Variants in YES1 observed in about 807,000 individuals in gnomAD.
YES1 encodes YES proto-oncogene 1, Src family tyrosine kinase, also known as tyrosine-protein kinase Yes.
In YES1, 39 loss-of-function variants were observed where a neutral mutation model predicts 70.4. The observed-to-expected ratio is 0.55, with a 90% confidence interval of 0.43 to 0.72. The LOEUF is 0.72. Ranked by LOEUF, YES1 falls within the 30% of genes least tolerant of loss-of-function variation. The probability of loss-of-function intolerance (pLI) is 0.00; values close to 1 mark genes in which losing one functional copy is unlikely to be tolerated. For missense variants in YES1, 495 were observed against 644.8 expected (o/e 0.77, Z 2.52); for synonymous variants, 198 against 218.6 (o/e 0.91, Z 0.83).
chr18:742,166 A>G (rs535972644), intron 8 of YES1, among the ~76,000 whole-genome samples: 2 of 152,334 alleles, frequency 1.3e-5, no homozygotes, highest in East Asian at 3.9e-4. Flanking sequence ...CAGGCCTGTC[A>G]GCTTATCTGC....
chr18:810,581 C>G (rs919322710), intron 1 of YES1, among the ~76,000 whole-genome samples: 7 of 152,164 alleles, frequency 4.6e-5, no homozygotes, highest in African/African-American at 1.7e-4. Flanking sequence ...GCCCTTTTAT[C>G]TTTTATCCTG....
intron 1 of YES1, among the ~76,000 whole-genome samples, chr18:765,465 C>T (rs1271645742): frequency 7.1e-6 from 1 of 140,950 alleles, no homozygotes; most frequent in Non-Finnish European, 1.5e-5. Flanking sequence ...GTGGCGTGAT[C>T]TTGGCTCAGT....
chr18:799,773 C>T (rs1367901509), intron 1 of YES1, among the ~76,000 whole-genome samples: 4 of 152,000 alleles, frequency 2.6e-5, no homozygotes, highest in Non-Finnish European at 4.4e-5. Context: ...TGGTGGCATA[C>T]ACCTGTAATC....
chr18:728,621 G>A (rs1311190728), intron 11 of YES1, among the ~76,000 whole-genome samples: 2 of 152,146 alleles, frequency 1.3e-5, no homozygotes, highest in Non-Finnish European at 2.9e-5. Context: ...CTGCCTCCCA[G>A]GTTCAAGTGA....
chr18:801,672 G>C (rs1906828420), intron 1 of YES1, among the ~76,000 whole-genome samples: 1 of 152,146 alleles, frequency 6.6e-6, no homozygotes, highest in African/African-American at 2.4e-5. Context: ...AGACAGATTT[G>C]AGTACAAACT....
At chr18:760,070 T>C (rs867124141) in intron 1 of YES1, among the ~76,000 whole-genome samples, 4 of 152,136 alleles carry the variant, frequency 2.6e-5, no homozygotes, top group African/African-American at 7.2e-5. Context: ...TAGTATTCCA[T>C]GGTGTATATG....
chr18:764,795 C>T (rs568055002), intron 1 of YES1, among the ~76,000 whole-genome samples: 20 of 151,770 alleles, frequency 1.3e-4, no homozygotes, highest in Admixed American at 3.3e-4. Flanking sequence ...TGCAGTGGCG[C>T]GATCTCGACT....
rs75679646 is a variant in YES1 at position 791,603 on chromosome 18, T to C, written c.-9+20511A>G. Reference sequence around the variant, plus strand: ...GTGAACCACAAATACAAACCACATATGCAATTTTAAATTTTCCAGTAGCCA... The same window carrying C: ...GTGAACCACAAATACAAACCACATACGCAATTTTAAATTTTCCAGTAGCCA... On this transcript the variant is annotated intron_variant, in intron 1 of 11. Transcript: ENST00000314574. Among the ~76,000 whole-genome samples, 922 of 152,322 alleles carry C rather than the reference T, an allele frequency of 6.1e-3. 7 individuals are homozygous for C. The highest frequency in any genetic ancestry group is 0.01 in the Non-Finnish European group (701 of 68,032).
chr18:752,001 T>A (rs1056065798), intron 2 of YES1, among the ~76,000 whole-genome samples, 197 bp from the exon 3 acceptor site: 1 of 152,118 alleles, frequency 6.6e-6, no homozygotes, highest in East Asian at 1.9e-4. Context: ...TCTGGGACAA[T>A]AACTCAATAA....
intron 1 of YES1, among the ~76,000 whole-genome samples, chr18:797,050 A>G (rs1165202909): frequency 1.3e-5 from 2 of 152,178 alleles, no homozygotes; most frequent in East Asian, 3.8e-4. Context: ...CTTGAAACAC[A>G]AAATCCAAAA....
rs1051633658 is a variant in YES1 at position 776,177 on chromosome 18, T to C, written c.-8-19342A>G. Among the ~76,000 whole-genome samples, 3 of 151,480 alleles carry C rather than the reference T, an allele frequency of 2.0e-5. No homozygotes were observed. The South Asian group carries it at 6.2e-4, about 32-fold the overall frequency. On this transcript the variant is annotated intron_variant, in intron 1 of 11. Coordinates refer to ENST00000314574, the MANE Select transcript of YES1 (RefSeq NM_005433.4). ...TGAGAATTACCATTGCTTTACATCA[T>C]CAATACTTGGTATACTCGATCTTTT...
rs760267714 is a variant in YES1 at position 736,828 on chromosome 18, T to C, written c.1271A>G (p.Asn424Ser). 5.6e-6 allele frequency: 9 copies of C among 1,611,766 alleles called. No individual in the cohort carries two copies. The highest frequency in any genetic ancestry group is 2.2e-5 in the East Asian group (1 of 44,856). The change falls in exon 10 of 12, where the codon AAT becomes AGT. Residue 424 changes from asparagine to serine, a missense_variant. Physicochemically the swap from Asn to Ser is conservative, Grantham distance 46. This residue lies in a region of YES1 where 385 missense variants were observed against 540.9 expected (regional missense o/e 0.71). Transcript: ENST00000314574. The part of the protein sequence containing the change: ...DFGLARLIED[N>S]EYTARQGAKF... ...TTTACCTTGTCTTGCTGTGTATTCA[T>C]TGTCTTCAATTAACCTTGCTAAACC...
At chr18:790,236 C>T (rs1315247516) in intron 1 of YES1, among the ~76,000 whole-genome samples, 1 of 151,822 alleles carries the variant, frequency 6.6e-6, no homozygotes, top group Non-Finnish European at 1.5e-5. Context: ...ATTAGCCAGG[C>T]GTGGTGGCAT....
At chr18:726,514 T>G (rs1173776431) in intron 11 of YES1, among the ~76,000 whole-genome samples, 1 of 150,986 alleles carries the variant, frequency 6.6e-6, no homozygotes, top group African/African-American at 2.4e-5. Context: ...GGCATGGTGG[T>G]TCACATCTGT....
intron 2 of YES1, among the ~76,000 whole-genome samples, chr18:755,139 C>G (rs2080388726): frequency 6.6e-6 from 1 of 152,170 alleles, no homozygotes. Flanking sequence ...CCATCTACTA[C>G]TGAAGTATTC....
At chr18:790,478 CTTA>C (rs568753268) in intron 1 of YES1, among the ~76,000 whole-genome samples, 31 of 152,082 alleles carry the variant, frequency 2.0e-4, no homozygotes, top group Non-Finnish European at 4.3e-4. Flanking sequence ...TTAATTTCCT[CTTA>C]TTATAACAAA....
intron 1 of YES1, among the ~76,000 whole-genome samples, chr18:790,981 G>A (rs1906214545): frequency 6.6e-6 from 1 of 152,172 alleles, no homozygotes; most frequent in African/African-American, 2.4e-5. Context: ...TGGGTGCAGT[G>A]GCTCAAGCCT....
chr18:787,080 C>CTGTTTT (rs1905993311), intron 1 of YES1, among the ~76,000 whole-genome samples: 1 of 34,736 alleles, frequency 2.9e-5, no homozygotes, highest in Non-Finnish European at 5.0e-5. Context: ...TACATACTGT[C>CTGTTTT]TTTTTTTTTT....
At chr18:808,862 T>A (rs1182524832) in intron 1 of YES1, among the ~76,000 whole-genome samples, 4 of 152,232 alleles carry the variant, frequency 2.6e-5, no homozygotes, top group African/African-American at 9.6e-5. Context: ...AACATATTCA[T>A]CCTTCAGGTG....
Sources: allele counts gnomAD v4.1 joint callset (sites outside exome capture counted in the v4.1 genomes callset), GRCh38; gene constraint gnomAD v4.1.1; regional missense constraint gnomAD v4.1.1; transcripts MANE v1.5; gene names NCBI Gene and HGNC (gene_info 2026-07-23, HGNC 2026-07-21).